PRKG1: variants seen among roughly 807,000 people sequenced by gnomAD.
The protein encoded by PRKG1 is cGMP-dependent protein kinase 1.
PRKG1 carries 35 observed loss-of-function variants against 88.1 expected under a neutral mutation model. The observed-to-expected ratio is 0.40, with a 90% CI of 0.30 to 0.53. The LOEUF (loss-of-function observed/expected upper bound fraction) is 0.53. Among genes scored for constraint, PRKG1 ranks in the 20% least tolerant of loss-of-function variants. The probability of loss-of-function intolerance (pLI) is 0.59; values close to 1 mark genes in which losing one functional copy is unlikely to be tolerated. For synonymous variants in PRKG1, 303 were observed against 292.5 expected (o/e 1.04, Z -0.37); for missense variants, 540 against 839.8 (o/e 0.64, Z 4.41).
chr10:52,016,361 C>G (rs902387166), intron 5 of PRKG1, among the ~76,000 whole-genome samples: 1 of 152,126 alleles, frequency 6.6e-6, no homozygotes, highest in Non-Finnish European at 1.5e-5. Context: ...TTTAAACCAT[C>G]GGATCTTGTT....
At chr10:51,406,296 C>T (rs982092439) in intron 2 of PRKG1, among the ~76,000 whole-genome samples, 1 of 152,218 alleles carries the variant, frequency 6.6e-6, no homozygotes, top group Admixed American at 6.5e-5. Context: ...TAAAGCCTGG[C>T]TCAGGTGCAG....
intron 7 of PRKG1, among the ~76,000 whole-genome samples, chr10:52,116,096 G>A (rs1037913125): frequency 2.6e-5 from 4 of 152,054 alleles, no homozygotes; most frequent in Admixed American, 2.0e-4. Flanking sequence ...ACATGTTTTG[G>A]CAGTTTGCAG....
intron 2 of PRKG1, among the ~76,000 whole-genome samples, chr10:51,390,250 T>C (rs535287794): frequency 6.6e-6 from 1 of 152,190 alleles, no homozygotes; most frequent in East Asian, 1.9e-4. Context: ...AATCACTGGG[T>C]GAGGCTCTTG....
intron 2 of PRKG1, among the ~76,000 whole-genome samples, chr10:51,175,942 G>A (rs543923128): frequency 6.6e-6 from 1 of 152,116 alleles, no homozygotes; most frequent in South Asian, 2.1e-4. Flanking sequence ...CTTTCATATA[G>A]TAAGTACCCA....
At chr10:51,094,853 T>C (rs1240963957) in intron 1 of PRKG1, among the ~76,000 whole-genome samples, 1 of 152,168 alleles carries the variant, frequency 6.6e-6, no homozygotes, top group Non-Finnish European at 1.5e-5. Flanking sequence ...AAAACTAACA[T>C]TTATATTTCA....
chr10:51,909,411 C>G (rs7100489), intron 5 of PRKG1: 114,120 of 151,910 alleles, frequency 0.75, 43,365 homozygotes, highest in African/African-American at 0.87. Flanking sequence ...AACCATGAAT[C>G]GATCTTAAAA....
chr10:51,266,106 A>C (rs1440623857), intron 2 of PRKG1, among the ~76,000 whole-genome samples: 1 of 152,200 alleles, frequency 6.6e-6, no homozygotes, highest in East Asian at 1.9e-4. Context: ...TGTGGACCAC[A>C]GTTAGGGAAC....
At chr10:51,425,852 G>T (rs982583856) in intron 2 of PRKG1, among the ~76,000 whole-genome samples, 3 of 152,234 alleles carry the variant, frequency 2.0e-5, no homozygotes, top group Non-Finnish European at 4.4e-5. Flanking sequence ...TATGTCAGCA[G>T]AAAATGGACA....
intron 5 of PRKG1, among the ~76,000 whole-genome samples, chr10:51,942,695 T>C (rs1372420559): frequency 6.7e-6 from 1 of 150,328 alleles, no homozygotes; most frequent in Non-Finnish European, 1.5e-5. Context: ...CCCAGCACCA[T>C]TTATTAAATA....
At chr10:52,244,224 T>C (rs1036251571) in intron 9 of PRKG1, among the ~76,000 whole-genome samples, 11 of 152,052 alleles carry the variant, frequency 7.2e-5, no homozygotes, top group African/African-American at 2.7e-4. Flanking sequence ...TAAAACTTTA[T>C]AGTAATAGGT....
chr10:51,830,851 C>T (rs1267091085), intron 4 of PRKG1, among the ~76,000 whole-genome samples: 6 of 151,934 alleles, frequency 3.9e-5, no homozygotes, highest in Admixed American at 1.3e-4. Flanking sequence ...CGTTAGCCAC[C>T]GCACCCTGCC....
chr10:51,422,086 G>A (rs1838432507), intron 2 of PRKG1, among the ~76,000 whole-genome samples: 1 of 152,180 alleles, frequency 6.6e-6, no homozygotes, highest in Non-Finnish European at 1.5e-5. Flanking sequence ...TAATGAAAAG[G>A]CAAGTTCAGT....
intron 2 of PRKG1, among the ~76,000 whole-genome samples, chr10:51,453,698 A>C (rs2132778160): frequency 6.6e-6 from 1 of 152,008 alleles, no homozygotes; most frequent in Non-Finnish European, 1.5e-5. Context: ...TACTTTGTTA[A>C]GTTTATTGAG....
chr10:51,138,002 AG>A (rs1845728404), intron 1 of PRKG1, among the ~76,000 whole-genome samples: 1 of 152,160 alleles, frequency 6.6e-6, no homozygotes, highest in African/African-American at 2.4e-5. Flanking sequence ...TTTCACTAGG[AG>A]GGGAGGTTAT....
intron 3 of PRKG1, among the ~76,000 whole-genome samples, chr10:51,472,456 AT>A (rs1182679407): frequency 1.3e-5 from 2 of 151,928 alleles, no homozygotes; most frequent in Non-Finnish European, 2.9e-5. Flanking sequence ...AATACATATG[AT>A]CTATATCTCA....
chr10:51,134,473 C>T (rs1845642581), intron 1 of PRKG1, among the ~76,000 whole-genome samples: 1 of 151,940 alleles, frequency 6.6e-6, no homozygotes, highest in African/African-American at 2.4e-5. Context: ...ATTGTGATAC[C>T]ATGCAGTAGT....
intron 1 of PRKG1, among the ~76,000 whole-genome samples, chr10:51,106,970 T>C (rs146152656): frequency 2.0e-5 from 3 of 152,274 alleles, no homozygotes; most frequent in Admixed American, 6.5e-5. Context: ...AAAATACAAG[T>C]AAGTGAATGC....
At chr10:51,810,260 T>C (rs1206884288) in intron 4 of PRKG1, among the ~76,000 whole-genome samples, 2 of 152,190 alleles carry the variant, frequency 1.3e-5, no homozygotes, top group African/African-American at 4.8e-5. Flanking sequence ...TTTCCAACTG[T>C]TAAAGAACTT....
At chr10:51,792,588 T>C (rs1319890308) in intron 3 of PRKG1, among the ~76,000 whole-genome samples, 1 of 152,164 alleles carries the variant, frequency 6.6e-6, no homozygotes, top group African/African-American at 2.4e-5. Context: ...GGAGCATTCC[T>C]TGTTTCCATA....
Sources: allele counts gnomAD v4.1 joint callset (sites outside exome capture counted in the v4.1 genomes callset), GRCh38; gene constraint gnomAD v4.1.1; transcripts MANE v1.5; gene names NCBI Gene and HGNC (gene_info 2026-07-23, HGNC 2026-07-21).